The following CLASP1 variants were observed in gnomAD, a reference collection of about 807,000 sequenced individuals.
The protein encoded by CLASP1 is cytoplasmic linker associated protein 1, also known as CLIP-associating protein 1.
A neutral mutation model predicts 192.3 loss-of-function variants in CLASP1; 38 were observed. The observed-to-expected ratio is 0.20, with a 90% CI of 0.15 to 0.26. CLASP1 has a LOEUF of 0.26. Among genes scored for constraint, CLASP1 ranks in the 10% least tolerant of loss-of-function variants. CLASP1 has a pLI of 1.00. For synonymous variants in CLASP1, 691 were observed against 712.8 expected, an observed-to-expected ratio of 0.97 and a Z score of 0.49; for missense variants, 1,433 against 1,932.5, an observed-to-expected ratio of 0.74 and a Z score of 4.85.
intron 2 of CLASP1, among the ~76,000 whole-genome samples, chr2:121,589,252 T>C (rs752885682): frequency 1.4e-4 from 22 of 152,228 alleles, no homozygotes; most frequent in Non-Finnish European, 2.4e-4. Flanking sequence ...AAGGTGTTTT[T>C]TGAAAAACAT....
intron 1 of CLASP1, among the ~76,000 whole-genome samples, chr2:121,625,584 G>A (rs529538720): frequency 5.7e-4 from 87 of 151,856 alleles, no homozygotes; most frequent in African/African-American, 1.7e-3. Context: ...ACAGGCACCC[G>A]CCACCAGTCC....
chr2:121,635,777 T>C (rs1199630288), intron 1 of CLASP1, among the ~76,000 whole-genome samples: 5 of 152,206 alleles, frequency 3.3e-5, no homozygotes, highest in African/African-American at 1.2e-4. Context: ...TTGCTCAAAC[T>C]CAAAATAATT....
At chr2:121,388,972 A>G (rs1441796359) in intron 30 of CLASP1, among the ~76,000 whole-genome samples, 2 of 152,230 alleles carry the variant, frequency 1.3e-5, no homozygotes, top group African/African-American at 4.8e-5. Flanking sequence ...TCTTTTGGAA[A>G]TAAACATCAC....
intron 34 of CLASP1, among the ~76,000 whole-genome samples, chr2:121,374,472 C>T (rs1047527579): frequency 2.0e-5 from 3 of 152,226 alleles, no homozygotes; most frequent in African/African-American, 7.2e-5. Context: ...CACTGCCTAG[C>T]AGAGCAGTGA....
chr2:121,367,865 G>A, intron 34 of CLASP1, 34 bp from the exon 36 acceptor site: 1 of 1,604,548 alleles, frequency 6.2e-7, no homozygotes, highest in Non-Finnish European at 8.5e-7. Flanking sequence ...TCCCTTCTGG[G>A]ACTTGTAATG....
intron 1 of CLASP1, among the ~76,000 whole-genome samples, chr2:121,648,892 G>A (rs1202372720): frequency 6.6e-6 from 1 of 152,202 alleles, no homozygotes; most frequent in Non-Finnish European, 1.5e-5. Context: ...ACGGGAGCCC[G>A]GGCCGCCCGC....
intron 6 of CLASP1, among the ~76,000 whole-genome samples, chr2:121,525,552 C>G (rs1231024552): frequency 6.6e-6 from 1 of 152,170 alleles, no homozygotes; most frequent in African/African-American, 2.4e-5. Context: ...GACATCTTAT[C>G]TTGGAGGCTG....
At chr2:121,628,312 T>C (rs1454646781) in intron 1 of CLASP1, among the ~76,000 whole-genome samples, 1 of 152,178 alleles carries the variant, frequency 6.6e-6, no homozygotes, top group Non-Finnish European at 1.5e-5. Context: ...AACATTAACA[T>C]GGTTTTCCTT....
At chr2:121,519,267 T>C (rs1317029351) in intron 6 of CLASP1, among the ~76,000 whole-genome samples, 1 of 152,184 alleles carries the variant, frequency 6.6e-6, no homozygotes, top group Non-Finnish European at 1.5e-5. Flanking sequence ...CAACAAATAT[T>C]TGAGTGCCTA....
At chr2:121,422,181 TAAGG>T (rs1268611307) in intron 22 of CLASP1, among the ~76,000 whole-genome samples, 1 of 152,134 alleles carries the variant, frequency 6.6e-6, no homozygotes, top group African/African-American at 2.4e-5. Context: ...TTTTACATCT[TAAGG>T]AAGGGTCCAA....
chr2:121,503,330 C>A, intron 7 of CLASP1, 96 bp from the exon 8 acceptor site: 2 of 693,170 alleles, frequency 2.9e-6, no homozygotes, highest in Admixed American at 2.6e-5. Flanking sequence ...CACTCCCCAT[C>A]AAAAAAAACA....
intron 37 of CLASP1, 44 bp from the exon 39 acceptor site, chr2:121,348,762 A>G (rs1379987804): frequency 6.7e-7 from 1 of 1,481,924 alleles, no homozygotes; most frequent in African/African-American, 1.4e-5. Context: ...CACATGCCAC[A>G]TGAAGCGAAA....
At chr2:121,519,421 G>A (rs2094405338) in intron 6 of CLASP1, among the ~76,000 whole-genome samples, 1 of 152,192 alleles carries the variant, frequency 6.6e-6, no homozygotes, top group Admixed American at 6.5e-5. Flanking sequence ...AGGTGCTCAG[G>A]CAGATGGGCC....
chr2:121,629,758 T>C (rs2069127227), intron 1 of CLASP1, among the ~76,000 whole-genome samples: 2 of 151,894 alleles, frequency 1.3e-5, no homozygotes, highest in African/African-American at 2.4e-5. Flanking sequence ...ACCACTGCAC[T>C]CTAGCCTGGG....
At chr2:121,339,735 T>C (rs914514349) in exon 40 of CLASP1, 2 of 152,204 alleles carry the variant, frequency 1.3e-5, no homozygotes, top group Non-Finnish European at 2.9e-5. Context: ...ACAGTGACTA[T>C]TTCATCAACA....
At chr2:121,450,472 T>C (rs1418424398) in intron 16 of CLASP1, among the ~76,000 whole-genome samples, 1 of 152,142 alleles carries the variant, frequency 6.6e-6, no homozygotes, top group Non-Finnish European at 1.5e-5. Flanking sequence ...TCCCAGGCAT[T>C]AGTCGATCCA....
At chr2:121,633,447 A>T (rs921411240) in intron 1 of CLASP1, among the ~76,000 whole-genome samples, 3 of 152,110 alleles carry the variant, frequency 2.0e-5, no homozygotes, top group Non-Finnish European at 4.4e-5. Flanking sequence ...CCCTCCCCGC[A>T]AATTCCAAAA....
At chr2:121,496,726 G>C (rs759341628) in intron 8 of CLASP1, among the ~76,000 whole-genome samples, 1 of 152,194 alleles carries the variant, frequency 6.6e-6, no homozygotes, top group Non-Finnish European at 1.5e-5. Flanking sequence ...ATAGGTATTA[G>C]TCAGATAATC....
intron 34 of CLASP1, among the ~76,000 whole-genome samples, chr2:121,375,585 A>T (rs922180907): frequency 6.6e-6 from 1 of 151,996 alleles, no homozygotes. Context: ...GATGGTCTCG[A>T]TCTCTTGACC....
Sources: gnomAD v4.1 joint callset for allele counts (sites outside exome capture counted in the v4.1 genomes callset) on GRCh38, gnomAD v4.1.1 for gene constraint, MANE v1.5 for transcripts, NCBI Gene and HGNC (gene_info 2026-07-23, HGNC 2026-07-21) for gene names.